UNC5C: variants seen among roughly 807,000 people sequenced by gnomAD.
UNC5C encodes the protein unc-5 netrin receptor C.
In UNC5C, 47 loss-of-function variants were observed where a neutral mutation model predicts 99.8. The ratio of observed to expected loss-of-function variants is 0.47; its 90% CI spans 0.37 to 0.60. The LOEUF (loss-of-function observed/expected upper bound fraction) is 0.60, where lower values mean the gene tolerates loss of function less well. Ranked by LOEUF, UNC5C falls within the 20% of genes least tolerant of loss-of-function variation. UNC5C has a pLI of 0.00. For synonymous variants in UNC5C, 487 were observed against 452.2 expected, an observed-to-expected ratio of 1.08 and a Z score of -0.98; for missense variants, 1,062 against 1,165.9, an observed-to-expected ratio of 0.91 and a Z score of 1.30.
chr4:95,328,064 T>TTTTTAAA (rs1553963793), intron 2 of UNC5C, among the ~76,000 whole-genome samples: 1 of 36,646 alleles, frequency 2.7e-5, no homozygotes, highest in Non-Finnish European at 5.4e-5. Flanking sequence ...TTTTTTTAAT[T>TTTTTAAA]TTTTTTTTTT....
At chr4:95,288,639 C>T (rs888279126) in intron 3 of UNC5C, among the ~76,000 whole-genome samples, 15 of 152,300 alleles carry the variant, frequency 9.8e-5, no homozygotes, top group South Asian at 4.1e-4. Context: ...CAGGATTATG[C>T]GCTCCCTCTG....
intron 1 of UNC5C, among the ~76,000 whole-genome samples, chr4:95,414,553 C>T (rs1247237481): frequency 6.6e-6 from 1 of 152,214 alleles, no homozygotes; most frequent in Non-Finnish European, 1.5e-5. Context: ...GGTCCTTAGA[C>T]CAAGCTGTTT....
At chr4:95,292,102 G>A (rs187173497) in intron 3 of UNC5C, among the ~76,000 whole-genome samples, 1 of 151,022 alleles carries the variant, frequency 6.6e-6, no homozygotes, top group East Asian at 1.9e-4. Flanking sequence ...AGAGTAGACA[G>A]GTAGAAAATA....
intron 6 of UNC5C, among the ~76,000 whole-genome samples, chr4:95,243,013 C>T (rs920201484): frequency 6.6e-6 from 1 of 152,160 alleles, no homozygotes; most frequent in African/African-American, 2.4e-5. Context: ...TGTGAGAATT[C>T]AGAGAAGAGG....
chr4:95,479,467 C>T (rs1352963835), intron 1 of UNC5C, among the ~76,000 whole-genome samples: 1 of 151,874 alleles, frequency 6.6e-6, no homozygotes, highest in East Asian at 1.9e-4. Flanking sequence ...GTAGTATAAA[C>T]CACAACAGTG....
intron 1 of UNC5C, among the ~76,000 whole-genome samples, chr4:95,505,545 G>C (rs1721894206): frequency 6.6e-6 from 1 of 151,950 alleles, no homozygotes; most frequent in South Asian, 2.1e-4. Flanking sequence ...TTTTGGTTCT[G>C]TCATTGGGTG....
intron 12 of UNC5C, among the ~76,000 whole-genome samples, chr4:95,189,884 C>G (rs1378063793): frequency 1.3e-5 from 2 of 152,218 alleles, no homozygotes; most frequent in African/African-American, 4.8e-5. Flanking sequence ...CACTTTTACA[C>G]TGTTGGTGGA....
chr4:95,266,741 A>T (rs975745519), intron 4 of UNC5C, among the ~76,000 whole-genome samples: 4 of 152,196 alleles, frequency 2.6e-5, no homozygotes, highest in African/African-American at 9.7e-5. Flanking sequence ...CTCACATTTC[A>T]AAAATGCTCT....
chr4:95,521,552 A>T (rs543446479), intron 1 of UNC5C, among the ~76,000 whole-genome samples: 1 of 152,068 alleles, frequency 6.6e-6, no homozygotes, highest in Non-Finnish European at 1.5e-5. Flanking sequence ...GATTCCCATC[A>T]TCAGGGGTCC....
rs768761666 is a variant in UNC5C, at chr4:95,202,900, G to T, written c.1967C>A (p.Ala656Asp). ...TPCYIQLDAEACHILTENLST... is the reference protein window; with the variant it reads ...TPCYIQLDAEDCHILTENLST... ...GAGGTTCTCTGTGAGGATGTGGCAG[G>T]CCTCTGCATCCAGCTGAATGTAGCA... is the stretch of plus-strand genomic sequence containing the variant. The change falls in exon 12 of 16, where the codon GCC becomes GAC. Residue 656 changes from alanine (A) to aspartate (D), a missense_variant. Physicochemically the swap from Ala to Asp is moderately radical, Grantham distance 126. Around this residue, in one of 3 missense-constraint regions of UNC5C, gnomAD observed 810 missense variants for 854.5 expected, o/e 0.95. Transcript: ENST00000453304. 13 of 1,614,104 alleles carry T rather than the reference G, an allele frequency of 8.1e-6. No homozygotes were observed. In the South Asian group the frequency reaches 1.3e-4, roughly 16 times the overall value.
chr4:95,231,779 A>G (rs1328447660), intron 7 of UNC5C, among the ~76,000 whole-genome samples: 1 of 152,178 alleles, frequency 6.6e-6, no homozygotes, highest in Non-Finnish European at 1.5e-5. Flanking sequence ...AGGTCTGTCA[A>G]AGACACCCAG....
chr4:95,452,507 G>A (rs185810080), intron 1 of UNC5C, among the ~76,000 whole-genome samples: 56 of 152,152 alleles, frequency 3.7e-4, no homozygotes, highest in Non-Finnish European at 7.1e-4. Flanking sequence ...ATGGCACTGA[G>A]AAGCGAACAG....
chr4:95,192,244 CCT>C (rs902208730), intron 12 of UNC5C, among the ~76,000 whole-genome samples: 4 of 145,878 alleles, frequency 2.7e-5, no homozygotes, highest in African/African-American at 5.1e-5. Flanking sequence ...ACCCTCCTCC[CCT>C]GTTCACCCTC....
chr4:95,497,053 C>A (rs1451633098), intron 1 of UNC5C, among the ~76,000 whole-genome samples: 2 of 151,914 alleles, frequency 1.3e-5, no homozygotes, highest in Admixed American at 6.6e-5. Context: ...TATATACATA[C>A]CACGTTTTCT....
chr4:95,183,178 A>G lies in UNC5C; in HGVS notation c.2287-117T>C, dbSNP rs540362157. 6 of 1,014,192 alleles carry G rather than the reference A, an allele frequency of 5.9e-6. No individual in the cohort carries two copies. The Admixed American group carries it at 6.8e-5, about 11-fold the overall frequency. The allele number at this position is 1,014,192 out of a possible 1,614,324, so 62.8% of individuals were successfully genotyped here. On this transcript the variant is annotated intron_variant, in intron 13 of 15. Transcript: ENST00000453304. ...CCTGTGGCCTCATTTAATCCTCACA[A>G]CAGCCCTATGTTTAAGTACATCCTG...
intron 1 of UNC5C, among the ~76,000 whole-genome samples, chr4:95,483,276 C>G (rs1721223685): frequency 6.6e-6 from 1 of 151,690 alleles, no homozygotes; most frequent in South Asian, 2.1e-4. Context: ...GTCAAGTGAA[C>G]TTAAAAGGGT....
At chr4:95,318,579 G>T (rs956582899) in intron 2 of UNC5C, among the ~76,000 whole-genome samples, 9 of 152,140 alleles carry the variant, frequency 5.9e-5, no homozygotes, top group Non-Finnish European at 1.3e-4. Context: ...CCCCCGAATG[G>T]GTGTGGAGAG....
At chr4:95,547,119 C>T (rs1339143911) in intron 1 of UNC5C, among the ~76,000 whole-genome samples, 3 of 152,046 alleles carry the variant, frequency 2.0e-5, no homozygotes, top group South Asian at 4.2e-4. Context: ...TTAGGAAATC[C>T]ACAAGCTATG....
chr4:95,469,434 G>A (rs1177839964), intron 1 of UNC5C, among the ~76,000 whole-genome samples: 1 of 152,052 alleles, frequency 6.6e-6, no homozygotes, highest in African/African-American at 2.4e-5. Flanking sequence ...TCATATGTGA[G>A]TCAAAAGTAT....
Sources: gnomAD v4.1 joint callset for allele counts (sites outside exome capture counted in the v4.1 genomes callset) on GRCh38, gnomAD v4.1.1 for gene constraint, gnomAD v4.1.1 regional missense constraint, MANE v1.5 for transcripts, NCBI Gene and HGNC (gene_info 2026-07-23, HGNC 2026-07-21) for gene names.